The following EXOC4 variants were observed in gnomAD, a reference collection of about 807,000 sequenced individuals.
EXOC4 encodes the protein SEC8-like 1.
In EXOC4, 71 loss-of-function variants were observed where a neutral mutation model predicts 107.2. The observed-to-expected ratio is 0.66, with a 90% confidence interval of 0.55 to 0.81. The LOEUF (loss-of-function observed/expected upper bound fraction) is 0.81. Ranked by LOEUF, EXOC4 falls within the 30% of genes least tolerant of loss-of-function variation. EXOC4 has a pLI of 0.00. For missense variants in EXOC4, 1,108 were observed against 1,189.6 expected, an observed-to-expected ratio of 0.93 and a Z score of 1.01; for synonymous variants, 456 against 441.2, an observed-to-expected ratio of 1.03 and a Z score of -0.42.
intron 14 of EXOC4, among the ~76,000 whole-genome samples, chr7:133,979,900 A>T (rs1176320924): frequency 1.3e-5 from 2 of 152,186 alleles, no homozygotes; most frequent in African/African-American, 2.4e-5. Context: ...TGTTAAAAAC[A>T]CTGATTTATC....
chr7:133,327,885 A>G (rs534970934), intron 5 of EXOC4, among the ~76,000 whole-genome samples: 1 of 152,244 alleles, frequency 6.6e-6, no homozygotes, highest in African/African-American at 2.4e-5. Flanking sequence ...AATAAGTGCT[A>G]TGAGGTGCTG....
intron 5 of EXOC4, among the ~76,000 whole-genome samples, chr7:133,337,015 G>T (rs184940606): frequency 1.3e-5 from 2 of 152,082 alleles, no homozygotes; most frequent in Non-Finnish European, 2.9e-5. Context: ...TTACAGGTGT[G>T]AGCCACCACT....
At chr7:133,557,745 C>G (rs1800721402) in intron 9 of EXOC4, among the ~76,000 whole-genome samples, 1 of 152,130 alleles carries the variant, frequency 6.6e-6, no homozygotes, top group Admixed American at 6.5e-5. Flanking sequence ...AATCCCAGCA[C>G]TTTGGGAGGC....
intron 5 of EXOC4, among the ~76,000 whole-genome samples, chr7:133,349,016 G>T (rs77013861): frequency 6.6e-6 from 1 of 152,032 alleles, no homozygotes; most frequent in Non-Finnish European, 1.5e-5. Context: ...GATCTAATGA[G>T]CTTAGTAAGA....
intron 2 of EXOC4, among the ~76,000 whole-genome samples, chr7:133,281,876 A>G (rs898443957): frequency 2.6e-5 from 4 of 151,660 alleles, no homozygotes; most frequent in South Asian, 2.1e-4. Flanking sequence ...TAATATTTCT[A>G]TTTTTTAGTA....
rs10261989 is a variant in EXOC4 at position 133,393,952 on chromosome 7, G to T, written c.1182+18950G>T. Among the ~76,000 whole-genome samples, 216 of 152,318 alleles carry T rather than the reference G, an allele frequency of 1.4e-3. 2 individuals carry two copies. Among genetic ancestry groups the T allele is most frequent in the African/African-American group, 4.8e-3 (201 of 41,578 alleles). On this transcript the variant is annotated intron_variant, in intron 7 of 17. Transcript: ENST00000253861. ...ACGAAGGTTTGCTATATTCCCAGGA[G>T]ACCAGTTCCTCCTGCTTTCTCCTAG...
At chr7:133,748,251 G>A (rs1227671468) in intron 10 of EXOC4, among the ~76,000 whole-genome samples, 1 of 152,112 alleles carries the variant, frequency 6.6e-6, no homozygotes, top group Non-Finnish European at 1.5e-5. Context: ...CTTTGGCTTA[G>A]ACAATGAACC....
chr7:133,635,875 C>G (rs138388910), intron 10 of EXOC4, among the ~76,000 whole-genome samples: 82 of 152,328 alleles, frequency 5.4e-4, no homozygotes, highest in African/African-American at 1.8e-3. Flanking sequence ...GATCAGGGCC[C>G]TGCCATTGTG....
intron 10 of EXOC4, among the ~76,000 whole-genome samples, chr7:133,755,256 T>A (rs1487379262): frequency 1.1e-5 from 1 of 93,560 alleles, no homozygotes; most frequent in Non-Finnish European, 2.0e-5. Context: ...ATATATATTA[T>A]ATATATATTA....
intron 10 of EXOC4, among the ~76,000 whole-genome samples, chr7:133,769,873 C>T (rs1796210716): frequency 6.6e-6 from 1 of 151,874 alleles, no homozygotes; most frequent in Non-Finnish European, 1.5e-5. Flanking sequence ...TATTTCCCAT[C>T]CTTTTTCCTG....
At chr7:133,481,751 G>C (rs1193232439) in intron 9 of EXOC4, among the ~76,000 whole-genome samples, 1 of 152,118 alleles carries the variant, frequency 6.6e-6, no homozygotes, top group Non-Finnish European at 1.5e-5. Context: ...ATGCATTCTG[G>C]AAGACATGCA....
intron 9 of EXOC4, among the ~76,000 whole-genome samples, chr7:133,575,870 G>T (rs1464863363): frequency 6.6e-6 from 1 of 152,038 alleles, no homozygotes; most frequent in African/African-American, 2.4e-5. Flanking sequence ...GCATTCCTCA[G>T]TTCTGATTTC....
At chr7:134,013,934 C>T (rs954024957) in intron 17 of EXOC4, among the ~76,000 whole-genome samples, 12 of 152,080 alleles carry the variant, frequency 7.9e-5, no homozygotes, top group African/African-American at 2.2e-4. Flanking sequence ...CCTCATTTGC[C>T]GCTGGTAGAA....
chr7:133,839,953 T>C (rs1015346295), intron 11 of EXOC4, among the ~76,000 whole-genome samples: 1 of 152,108 alleles, frequency 6.6e-6, no homozygotes, highest in Non-Finnish European at 1.5e-5. Context: ...AGGGCAGATA[T>C]ACTAATAAAT....
At chr7:133,380,010 G>A (rs1327664906) in intron 7 of EXOC4, among the ~76,000 whole-genome samples, 2 of 151,234 alleles carry the variant, frequency 1.3e-5, no homozygotes, top group Non-Finnish European at 2.9e-5. Flanking sequence ...TTGGCCACAT[G>A]TTCTCACTCA....
intron 5 of EXOC4, among the ~76,000 whole-genome samples, chr7:133,339,355 C>T (rs1795605643): frequency 6.6e-6 from 1 of 152,118 alleles, no homozygotes; most frequent in Admixed American, 6.5e-5. Context: ...CTAGTCTGTT[C>T]CATTGGTCAA....
chr7:133,472,775 A>T (rs1584944324), intron 7 of EXOC4, among the ~76,000 whole-genome samples: 1 of 152,154 alleles, frequency 6.6e-6, no homozygotes, highest in African/African-American at 2.4e-5. Context: ...GTGTTTGCAG[A>T]TTGAAAGGAG....
At chr7:133,642,692 C>T (rs1262841675) in intron 10 of EXOC4, among the ~76,000 whole-genome samples, 3 of 152,056 alleles carry the variant, frequency 2.0e-5, no homozygotes, top group African/African-American at 7.2e-5. Context: ...ATGTCACTCC[C>T]CTCCTTCTTT....
chr7:133,662,761 A>G (rs1179217748), intron 10 of EXOC4, among the ~76,000 whole-genome samples: 1 of 152,182 alleles, frequency 6.6e-6, no homozygotes, highest in Non-Finnish European at 1.5e-5. Context: ...TGAGAACAGC[A>G]GAAGTAGCTA....
Sources: allele counts gnomAD v4.1 joint callset (sites outside exome capture counted in the v4.1 genomes callset), GRCh38; gene constraint gnomAD v4.1.1; transcripts MANE v1.5; gene names NCBI Gene and HGNC (gene_info 2026-07-23, HGNC 2026-07-21).